PTGR1: variants seen among roughly 807,000 people sequenced by gnomAD.
PTGR1 encodes 15-oxoprostaglandin 13-reductase.
In PTGR1, 23 loss-of-function variants were observed where a neutral mutation model predicts 37.7. The observed-to-expected ratio is 0.61, with a 90% CI of 0.44 to 0.86. PTGR1 has a LOEUF of 0.86. PTGR1 is among the 40% of genes least tolerant of loss of function. PTGR1 has a pLI of 0.00. For missense variants in PTGR1, 351 were observed against 394.3 expected, an observed-to-expected ratio of 0.89 and a Z score of 0.93; for synonymous variants, 134 against 140.0, an observed-to-expected ratio of 0.96 and a Z score of 0.30.
chr9:111,596,309 T>C (rs975690465), intron 2 of PTGR1, among the ~76,000 whole-genome samples: 1 of 152,152 alleles, frequency 6.6e-6, no homozygotes, highest in Admixed American at 6.5e-5. Flanking sequence ...GTGGCACAAG[T>C]AGAGGCTTGA....
intron 2 of PTGR1, among the ~76,000 whole-genome samples, chr9:111,595,097 T>C (rs1829739276): frequency 6.6e-6 from 1 of 151,870 alleles, no homozygotes; most frequent in South Asian, 2.1e-4. Context: ...TCAAGAGATC[T>C]GCCCACCTTG....
chr9:111,564,446 C>T (rs1224292028), intron 9 of PTGR1, among the ~76,000 whole-genome samples: 1 of 151,894 alleles, frequency 6.6e-6, no homozygotes, highest in African/African-American at 2.4e-5. Context: ...GCTGGGACTA[C>T]AGGGATGTGC....
intron 7 of PTGR1, chr9:111,576,220 C>A: frequency 1.4e-6 from 1 of 739,134 alleles, no homozygotes; most frequent in Non-Finnish European, 2.2e-6. Flanking sequence ...AGGCAATTCA[C>A]TGAATAGGAA....
chr9:111,590,650 C>T (rs563950190), intron 4 of PTGR1, among the ~76,000 whole-genome samples: 3 of 152,300 alleles, frequency 2.0e-5, no homozygotes, highest in East Asian at 1.9e-4. Flanking sequence ...TGAGCCACTG[C>T]GTCCAGCCTT....
downstream of PTGR1, among the ~76,000 whole-genome samples, chr9:111,558,444 G>A (rs1416848916): frequency 6.6e-6 from 1 of 152,184 alleles, no homozygotes; most frequent in East Asian, 1.9e-4. Flanking sequence ...TTGGGAGGTT[G>A]AGGTAAGAGG....
intron 5 of PTGR1, 135 bp downstream of exon 5, chr9:111,585,863 C>T: frequency 2.1e-6 from 2 of 975,326 alleles, no homozygotes; most frequent in South Asian, 1.7e-5. Flanking sequence ...CATCTTGGTC[C>T]TGCCCTCTTC....
chr9:111,578,399 C>T (rs1200871676), intron 7 of PTGR1, among the ~76,000 whole-genome samples: 4 of 152,092 alleles, frequency 2.6e-5, no homozygotes, highest in Non-Finnish European at 5.9e-5. Context: ...GGTGAGTTTT[C>T]CTGCAACTAG....
intron 6 of PTGR1, among the ~76,000 whole-genome samples, chr9:111,579,515 C>T (rs1829206294): frequency 6.6e-6 from 1 of 152,148 alleles, no homozygotes; most frequent in African/African-American, 2.4e-5. Flanking sequence ...CCACCTCAGC[C>T]TCCTAAGTAG....
intron 8 of PTGR1, among the ~76,000 whole-genome samples, chr9:111,573,816 A>G (rs1828937769): frequency 6.6e-6 from 1 of 152,130 alleles, no homozygotes; most frequent in Non-Finnish European, 1.5e-5. Context: ...TCTGGTTGAT[A>G]CTGCTTTTGG....
At chr9:111,596,143 G>T (rs968609084) in intron 2 of PTGR1, among the ~76,000 whole-genome samples, 2 of 152,186 alleles carry the variant, frequency 1.3e-5, no homozygotes, top group African/African-American at 4.8e-5. Flanking sequence ...GAGAACCCTG[G>T]AAAGGTCTTT....
At chr9:111,557,007 A>C (rs1275609331) in intron 9 of PTGR1, among the ~76,000 whole-genome samples, 1 of 152,094 alleles carries the variant, frequency 6.6e-6, no homozygotes, top group Admixed American at 6.5e-5. Context: ...ACCATTTTTT[A>C]TCTCCTAGGC....
chr9:111,586,294 C>T, intron 4 of PTGR1, 129 bp from the exon 5 acceptor site: 3 of 852,238 alleles, frequency 3.5e-6, no homozygotes, highest in Non-Finnish European at 5.6e-6. Context: ...GATAGTCCAC[C>T]ACCCCTCTCC....
chr9:111,556,492 A>C (rs977932792), intron 9 of PTGR1, among the ~76,000 whole-genome samples: 9 of 152,280 alleles, frequency 5.9e-5, no homozygotes, highest in African/African-American at 2.2e-4. Flanking sequence ...CTCCTGCAGC[A>C]GACTTCTGCC....
At position 111,575,231 on chromosome 9, in the gene PTGR1, G is replaced by T. The variant is rs139562698; in HGVS notation, c.652-389C>A. ...GCAGGAGAACTGCTTGAACCCAGGA[G>T]GCGGAGGTTGCATTGAGCTGAGATC... On this transcript the variant is annotated intron_variant, in intron 7 of 9. Coordinates refer to ENST00000407693, the MANE Select transcript of PTGR1 (RefSeq NM_001146108.2). The T allele has an allele frequency of 8.2e-3, 1,295 of 158,164 alleles. 23 individuals are homozygous for T. The highest frequency in any genetic ancestry group is 0.029 in the African/African-American group (1,197 of 41,606). The allele number at this position is 158,164 out of a possible 1,614,324, so 9.8% of individuals were successfully genotyped here.
At chr9:111,571,520 C>T (rs1177241077) in intron 8 of PTGR1, among the ~76,000 whole-genome samples, 1 of 141,728 alleles carries the variant, frequency 7.1e-6, no homozygotes. Flanking sequence ...CTCTGTTTCC[C>T]CAGGCTGGAG....
chr9:111,560,145 A>G (rs1288842323), downstream of PTGR1, among the ~76,000 whole-genome samples: 1 of 151,802 alleles, frequency 6.6e-6, no homozygotes, highest in East Asian at 2.0e-4. Flanking sequence ...CAGGAGGTCG[A>G]GACCAGCCTG....
chr9:111,583,465 C>T lies in PTGR1; in HGVS notation c.495+7G>A. The T allele has an allele frequency of 6.3e-7, 1 of 1,588,246 alleles. No homozygotes were observed. The highest frequency in any genetic ancestry group is 8.6e-7 in the Non-Finnish European group (1 of 1,156,430). On this transcript the variant is annotated splice_region_variant and intron_variant, in intron 6 of 9. Transcript: ENST00000407693. ...ATAAAGGCTTGTTACTGGAGAAAGG[C>T]ACTTACCTTGAGCTTTGCAATCTGC...
intron 4 of PTGR1, among the ~76,000 whole-genome samples, chr9:111,588,900 C>T (rs1301593585): frequency 1.3e-5 from 2 of 152,140 alleles, no homozygotes; most frequent in Admixed American, 1.3e-4. Context: ...ATCCACCCAC[C>T]TCGACCTCCT....
chr9:111,551,393 A>AGTGTTT (rs1564602840), intron 9 of PTGR1, among the ~76,000 whole-genome samples: 1 of 134,456 alleles, frequency 7.4e-6, no homozygotes, highest in African/African-American at 2.8e-5. Flanking sequence ...TCAAGTATCC[A>AGTGTTT]GTTTTTGTTT....
Sources: allele counts gnomAD v4.1 joint callset (sites outside exome capture counted in the v4.1 genomes callset), GRCh38; gene constraint gnomAD v4.1.1; transcripts MANE v1.5; gene names NCBI Gene and HGNC (gene_info 2026-07-23, HGNC 2026-07-21).